ADGRA3: variants seen among roughly 807,000 people sequenced by gnomAD.
ADGRA3 encodes adhesion G protein-coupled receptor A3.
Under a neutral mutation model 119.8 loss-of-function variants are expected in ADGRA3, and 56 were observed. The ratio of observed to expected loss-of-function variants is 0.47; its 90% CI spans 0.38 to 0.58. The LOEUF is 0.58. Ranked by LOEUF, ADGRA3 falls within the 20% of genes least tolerant of loss-of-function variation. The probability of loss-of-function intolerance (pLI) is 0.00; values close to 1 mark genes in which losing one functional copy is unlikely to be tolerated. For synonymous variants in ADGRA3, 607 were observed against 623.8 expected, an observed-to-expected ratio of 0.97 and a Z score of 0.40; for missense variants, 1,516 against 1,649.0, an observed-to-expected ratio of 0.92 and a Z score of 1.40.
intron 2 of ADGRA3, among the ~76,000 whole-genome samples, chr4:22,470,336 AT>A (rs557798401): frequency 1.3e-5 from 2 of 151,354 alleles, no homozygotes; most frequent in East Asian, 3.9e-4. Flanking sequence ...AAAAAAAAAA[AT>A]CAACCTAAAT....
intron 2 of ADGRA3, among the ~76,000 whole-genome samples, chr4:22,464,640 C>T (rs534552627): frequency 2.8e-4 from 42 of 152,314 alleles, no homozygotes; most frequent in African/African-American, 9.9e-4. Context: ...CCTCTACCTG[C>T]AACTCTTCCC....
chr4:22,436,316 TA>T, intron 9 of ADGRA3, 123 bp downstream of exon 9: 1 of 704,168 alleles, frequency 1.4e-6, no homozygotes, highest in Non-Finnish European at 2.4e-6. Context: ...TTAAGTCAAC[TA>T]AAGTAAAAAC....
chr4:22,450,088 T>C (rs535854770), intron 4 of ADGRA3, among the ~76,000 whole-genome samples: 1 of 152,216 alleles, frequency 6.6e-6, no homozygotes, highest in African/African-American at 2.4e-5. Flanking sequence ...CAATGACACA[T>C]ATTTTACAAC....
At chr4:22,461,571 A>G (rs1474671956) in intron 3 of ADGRA3, among the ~76,000 whole-genome samples, 166 bp downstream of exon 3, 1 of 152,232 alleles carries the variant, frequency 6.6e-6, no homozygotes, top group Non-Finnish European at 1.5e-5. Flanking sequence ...AAGTGCTGGG[A>G]ATACAGGCGT....
chr4:22,452,338 T>C (rs529440139), intron 4 of ADGRA3, among the ~76,000 whole-genome samples: 1 of 152,138 alleles, frequency 6.6e-6, no homozygotes, highest in Non-Finnish European at 1.5e-5. Flanking sequence ...AAGCCCTGAC[T>C]TGACCACCAT....
intron 1 of ADGRA3, among the ~76,000 whole-genome samples, chr4:22,513,143 CTTTTTTT>C (rs142313161): frequency 7.5e-5 from 10 of 133,492 alleles, no homozygotes; most frequent in South Asian, 2.5e-4. Flanking sequence ...CAACTTTCCT[CTTTTTTT>C]TTTTTTTTTT....
At chr4:22,470,333 A>AG (rs1251835604) in intron 2 of ADGRA3, among the ~76,000 whole-genome samples, 19 of 151,746 alleles carry the variant, frequency 1.3e-4, no homozygotes, top group Admixed American at 1.2e-3. Flanking sequence ...AAAAAAAAAA[A>AG]AAATCAACCT....
At chr4:22,491,900 A>T (rs1577380508) in intron 1 of ADGRA3, among the ~76,000 whole-genome samples, 1 of 152,178 alleles carries the variant, frequency 6.6e-6, no homozygotes, top group African/African-American at 2.4e-5. Flanking sequence ...AGAAGAACGG[A>T]TTTCTTTCTG....
At chr4:22,439,444 C>A (rs768151511) in intron 7 of ADGRA3, among the ~76,000 whole-genome samples, 1 of 152,184 alleles carries the variant, frequency 6.6e-6, no homozygotes. Flanking sequence ...GTATGCGTTG[C>A]TGTTATGTAG....
chr4:22,475,097 G>C (rs892005956), intron 1 of ADGRA3, among the ~76,000 whole-genome samples: 3 of 152,030 alleles, frequency 2.0e-5, no homozygotes, highest in Admixed American at 6.5e-5. Flanking sequence ...TTTTCTTTTA[G>C]GAATTCCTAA....
intron 2 of ADGRA3, among the ~76,000 whole-genome samples, chr4:22,469,175 C>T (rs545925204): frequency 6.6e-6 from 1 of 152,272 alleles, no homozygotes; most frequent in South Asian, 2.1e-4. Flanking sequence ...GAGGAGGTGT[C>T]CCTGCACACT....
At chr4:22,487,293 T>A (rs1285385726) in intron 1 of ADGRA3, among the ~76,000 whole-genome samples, 2 of 152,210 alleles carry the variant, frequency 1.3e-5, no homozygotes, top group Non-Finnish European at 2.9e-5. Context: ...AGGAATTGGT[T>A]TCACAGAAGA....
chr4:22,502,696 G>C (rs1275462915), intron 1 of ADGRA3, among the ~76,000 whole-genome samples: 1 of 151,902 alleles, frequency 6.6e-6, no homozygotes, highest in African/African-American at 2.4e-5. Flanking sequence ...GGCTCCTCAA[G>C]AGGTAGGTGG....
At chr4:22,507,211 GC>G (rs1413005409) in intron 1 of ADGRA3, among the ~76,000 whole-genome samples, 1 of 152,112 alleles carries the variant, frequency 6.6e-6, no homozygotes, top group African/African-American at 2.4e-5. Flanking sequence ...CTGCACTCCA[GC>G]CTGGGCAACA....
intron 17 of ADGRA3, among the ~76,000 whole-genome samples, chr4:22,392,146 A>C (rs1395931936): frequency 1.3e-5 from 2 of 152,220 alleles, no homozygotes; most frequent in African/African-American, 4.8e-5. Flanking sequence ...AAAAACACAC[A>C]AGTCTTCTTG....
chr4:22,501,249 T>C (rs1161872319), intron 1 of ADGRA3, among the ~76,000 whole-genome samples: 1 of 152,056 alleles, frequency 6.6e-6, no homozygotes, highest in South Asian at 2.1e-4. Context: ...TCTACAGGGG[T>C]TCCATCAAAA....
At position 22,420,772 on chromosome 4, in the gene ADGRA3, C is replaced by A; in HGVS notation, c.1809+114G>T. 7.2e-6 allele frequency: 7 copies of A among 970,576 alleles called. No homozygotes were observed. The South Asian group carries it at 9.0e-5, about 13-fold the overall frequency. 60.1% of individuals were successfully genotyped at this position (970,576 alleles called of 1,614,324 possible). A position where few individuals can be genotyped will look rare whatever the true frequency, so the allele number is the denominator to read the frequency against. ...TAAAACAGTAGCAAAAGCAATAATACCTATCTTCCTGCAAAAAAAAAATCT... is the reference window on the plus strand; with the variant it reads ...TAAAACAGTAGCAAAAGCAATAATAACTATCTTCCTGCAAAAAAAAAATCT... On this transcript the variant is annotated intron_variant, in intron 12 of 18. Transcript: ENST00000334304.
chr4:22,397,577 T>C (rs1714417348), intron 16 of ADGRA3, among the ~76,000 whole-genome samples: 2 of 152,144 alleles, frequency 1.3e-5, no homozygotes. Context: ...TATGATTTAG[T>C]TGTGTCCCCA....
intron 7 of ADGRA3, among the ~76,000 whole-genome samples, chr4:22,439,419 C>T (rs1716522082): frequency 6.6e-6 from 1 of 152,138 alleles, no homozygotes; most frequent in South Asian, 2.1e-4. Context: ...ACCTTTATTT[C>T]CCCCACAGGA....
Sources: allele counts gnomAD v4.1 joint callset (sites outside exome capture counted in the v4.1 genomes callset), GRCh38; gene constraint gnomAD v4.1.1; transcripts MANE v1.5; gene names NCBI Gene and HGNC (gene_info 2026-07-23, HGNC 2026-07-21).